CYP46A1: variants seen among roughly 807,000 people sequenced by gnomAD.
The protein encoded by CYP46A1 is cytochrome P450 family 46 subfamily A member 1, also known as cholesterol 24-hydroxylase.
CYP46A1 carries 20 observed loss-of-function variants against 63.3 expected under a neutral mutation model. The ratio of observed to expected loss-of-function variants is 0.32; its 90% CI spans 0.22 to 0.46. The LOEUF is 0.46. CYP46A1 is among the 20% of genes least tolerant of loss of function. CYP46A1 has a pLI of 1.00. For synonymous variants in CYP46A1, 268 were observed against 273.6 expected, an observed-to-expected ratio of 0.98 and a Z score of 0.20; for missense variants, 445 against 670.8, an observed-to-expected ratio of 0.66 and a Z score of 3.72.
chr14:99,716,318 G>A (rs2056790103), intron 9 of CYP46A1, 119 bp downstream of exon 9: 5 of 1,028,066 alleles, frequency 4.9e-6, no homozygotes, highest in Non-Finnish European at 7.5e-6. Context: ...CTCACCGCAG[G>A]GCTAGGGGGC....
At chr14:99,685,095 C>A (rs1482324691) in intron 1 of CYP46A1, among the ~76,000 whole-genome samples, 1 of 47,508 alleles carries the variant, frequency 2.1e-5, no homozygotes, top group East Asian at 7.6e-4. Context: ...CCAACCCCCC[C>A]CCACCCCCAG....
intron 2 of CYP46A1, chr14:99,691,416 G>T (rs1595184428): frequency 1.7e-6 from 1 of 579,662 alleles, no homozygotes; most frequent in Non-Finnish European, 3.1e-6. Context: ...TAAACTGGGT[G>T]GGGGGGTGTG....
At chr14:99,702,665 T>C (rs2056642097) in intron 5 of CYP46A1, among the ~76,000 whole-genome samples, 1 of 152,140 alleles carries the variant, frequency 6.6e-6, no homozygotes, top group Non-Finnish European at 1.5e-5. Context: ...TGAGTGTATA[T>C]GTAAATATAT....
chr14:99,700,316 G>A (rs766439859), intron 5 of CYP46A1, among the ~76,000 whole-genome samples: 2 of 152,106 alleles, frequency 1.3e-5, no homozygotes, highest in Non-Finnish European at 2.9e-5. Flanking sequence ...AGGCCCCCAC[G>A]CAGTTTGGGA....
chr14:99,694,425 T>A (rs1443471239), intron 3 of CYP46A1, among the ~76,000 whole-genome samples: 3 of 151,428 alleles, frequency 2.0e-5, no homozygotes, highest in Non-Finnish European at 2.9e-5. Flanking sequence ...ATTTTATTCA[T>A]CTTTCCAAAT....
In CYP46A1 at chr14:99,684,390, C is replaced by T. The variant is rs1170894514; in HGVS notation, c.-28C>T. The T allele has an allele frequency of 1.5e-6, 2 of 1,375,394 alleles. No individual in the cohort carries two copies. The highest frequency in any genetic ancestry group is 6.6e-5 in the East Asian group (2 of 30,530). The allele number at this position is 1,375,394 out of a possible 1,614,324, so 85.2% of individuals were successfully genotyped here. A position where few individuals can be genotyped will look rare whatever the true frequency, so the allele number is the denominator to read the frequency against. Reference sequence around the variant, plus strand: ...GGCCCCCTCGGCGCCCGGCCCGACCCTGGCCTGGCCTGCCCTGCCCCGGAG... The same window carrying T: ...GGCCCCCTCGGCGCCCGGCCCGACCTTGGCCTGGCCTGCCCTGCCCCGGAG... On this transcript the variant is annotated 5_prime_UTR_variant, in exon 1 of 15. Coordinates refer to ENST00000261835, the MANE Select transcript of CYP46A1 (RefSeq NM_006668.2).
At chr14:99,688,181 G>C (rs1278756548) in intron 1 of CYP46A1, among the ~76,000 whole-genome samples, 1 of 152,126 alleles carries the variant, frequency 6.6e-6, no homozygotes, top group Non-Finnish European at 1.5e-5. Context: ...GCTTTGGGAA[G>C]CGACAATGAG....
At chr14:99,714,271 A>T (rs765823237) in intron 7 of CYP46A1, among the ~76,000 whole-genome samples, 11 of 152,232 alleles carry the variant, frequency 7.2e-5, no homozygotes, top group African/African-American at 1.4e-4. Context: ...CATTGTTGGC[A>T]GGGATGTAAA....
chr14:99,715,873 G>C lies in CYP46A1; in HGVS notation c.757G>C (p.Val253Leu), dbSNP rs1013012826. Residue 253 changes from valine to leucine, a missense_variant, in exon 8 of 15, where the codon GTG (valine) becomes CTG (leucine). Physicochemically the swap from Val to Leu is conservative, Grantham distance 32. This residue lies in a region of CYP46A1 where 252 missense variants were observed against 383.3 expected (regional missense o/e 0.66). Transcript: ENST00000261835. Reference protein sequence around the residue: ...VRESIRFLRQVGRDWVQRRRE... With the variant: ...VRESIRFLRQLGRDWVQRRRE... ...GGAGAGCATTCGCTTCCTGCGCCAG[G>C]TGGGCAGGGACTGGGTCCAGCGCCG... 1.9e-6 allele frequency: 3 copies of C among 1,614,014 alleles called. No individual in the cohort carries two copies. In the African/African-American group the frequency reaches 4.0e-5, roughly 22 times the overall value.
intron 3 of CYP46A1, among the ~76,000 whole-genome samples, chr14:99,692,127 C>T (rs2140114005): frequency 6.6e-6 from 1 of 152,302 alleles, no homozygotes; most frequent in African/African-American, 2.4e-5. Context: ...CTAGTGCACA[C>T]ACGTTTAGTT....
At chr14:99,718,974 A>G (rs1485039220) in intron 10 of CYP46A1, among the ~76,000 whole-genome samples, 1 of 151,888 alleles carries the variant, frequency 6.6e-6, no homozygotes, top group African/African-American at 2.4e-5. Flanking sequence ...TCTGTTCAGC[A>G]CCTTCTCACC....
chr14:99,706,336 C>G (rs1038794729), intron 5 of CYP46A1: 35 of 258,848 alleles, frequency 1.4e-4, no homozygotes, highest in Non-Finnish European at 2.5e-4. Flanking sequence ...CCCAAAGTTT[C>G]TACACTGTCA....
chr14:99,726,472 G>A (rs781482905), intron 14 of CYP46A1, 85 bp from the exon 15 acceptor site: 50 of 1,361,210 alleles, frequency 3.7e-5, no homozygotes, highest in Non-Finnish European at 4.8e-5. Context: ...CAGGAGGAGA[G>A]CCGGCTGTGA....
At chr14:99,686,433 T>G (rs2056494936) in intron 1 of CYP46A1, among the ~76,000 whole-genome samples, 2 of 152,220 alleles carry the variant, frequency 1.3e-5, no homozygotes. Flanking sequence ...TGTGCAGCCA[T>G]CGCCACCGAT....
intron 3 of CYP46A1, chr14:99,693,667 A>G (rs1282468745): frequency 6.6e-6 from 1 of 152,160 alleles, no homozygotes; most frequent in Non-Finnish European, 1.5e-5. Flanking sequence ...ATCTTCTGTA[A>G]AAGTTTGTAT....
chr14:99,723,171 G>A (rs955910642), intron 12 of CYP46A1: 25 of 211,046 alleles, frequency 1.2e-4, no homozygotes, highest in East Asian at 2.1e-4. Context: ...ACTAGTAAGC[G>A]TGAGCATCTG....
At chr14:99,697,581 C>G (rs953228277) in intron 3 of CYP46A1, among the ~76,000 whole-genome samples, 1 of 152,196 alleles carries the variant, frequency 6.6e-6, no homozygotes, top group Admixed American at 6.5e-5. Context: ...CCTGCACTGC[C>G]TGTTGTCCAG....
rs144966483 is a variant in CYP46A1 at position 99,700,036 on chromosome 14, G to T, written c.378G>T (p.Val126=). 3 of 1,602,242 alleles carry T rather than the reference G, an allele frequency of 1.9e-6. No individual in the cohort carries two copies. Among genetic ancestry groups the T allele is most frequent in the African/African-American group, 2.8e-5 (2 of 72,574 alleles). The change falls in exon 5 of 15, where the codon GTG becomes GTT. Residue 126 remains valine, a synonymous_variant. Transcript: ENST00000261835. ...FGERLFGQGL[V]SECNYERWHK... ...ACAGACTCTTCGGCCAAGGCTTGGT[G>T]TCCGAATGCAACTATGAGCGCTGGC... is the stretch of plus-strand genomic sequence containing the variant.
At chr14:99,721,608 A>G (rs1317530037) in intron 11 of CYP46A1, among the ~76,000 whole-genome samples, 1 of 152,078 alleles carries the variant, frequency 6.6e-6, no homozygotes, top group African/African-American at 2.4e-5. Flanking sequence ...CAGATCCTTA[A>G]GCTTCCCCTG....
Sources: gnomAD v4.1 joint callset for allele counts (sites outside exome capture counted in the v4.1 genomes callset) on GRCh38, gnomAD v4.1.1 for gene constraint, gnomAD v4.1.1 regional missense constraint, MANE v1.5 for transcripts, NCBI Gene and HGNC (gene_info 2026-07-23, HGNC 2026-07-21) for gene names.